WDR7: variants seen among roughly 807,000 people sequenced by gnomAD.
WDR7 encodes WD repeat-containing protein 7.
A neutral mutation model predicts 169.4 loss-of-function variants in WDR7; 46 were observed. That is an observed-to-expected ratio of 0.27 (90% CI 0.21 to 0.35). The LOEUF (loss-of-function observed/expected upper bound fraction) is 0.35. WDR7 is among the 10% of genes least tolerant of loss of function. The pLI, the probability that WDR7 is intolerant of heterozygous loss-of-function variation, is 1.00. For synonymous variants in WDR7, 612 were observed against 666.8 expected (o/e 0.92, Z 1.27); for missense variants, 1,534 against 1,859.3 (o/e 0.83, Z 3.22).
intron 14 of WDR7, among the ~76,000 whole-genome samples, chr18:56,744,798 C>T (rs1022020810): frequency 6.6e-6 from 1 of 152,164 alleles, no homozygotes; most frequent in African/African-American, 2.4e-5. Flanking sequence ...CTACAGGTTA[C>T]AGCAGTTTGT....
Position 56,757,102 on chromosome 18 carries a change from CTCT to C in WDR7, c.2511_2513del (p.Leu838del). The C allele has an allele frequency of 6.2e-7, 1 of 1,614,122 alleles. No individual in the cohort carries two copies. The highest frequency in any genetic ancestry group is 8.5e-7 in the Non-Finnish European group (1 of 1,180,014). ...ACCCCACTGCACCGTATCGTTTGGCCTCTTGTCAAGAGGAGGCCATATGTCACT... is the reference window on the plus strand; with the variant it reads ...ACCCCACTGCACCGTATCGTTTGGCCTGTCAAGAGGAGGCCATATGTCACT... On this transcript the variant is annotated inframe_deletion, in exon 15 of 28. Coordinates refer to ENST00000254442, the MANE Select transcript of WDR7 (RefSeq NM_015285.3).
intron 21 of WDR7, among the ~76,000 whole-genome samples, chr18:56,901,857 G>A (rs1163461720): frequency 6.6e-6 from 1 of 151,922 alleles, no homozygotes; most frequent in South Asian, 2.1e-4. Flanking sequence ...TTTTAGCTGC[G>A]GTTGTCAGTT....
chr18:56,880,735 G>A (rs1348136164), intron 21 of WDR7, among the ~76,000 whole-genome samples: 1 of 152,140 alleles, frequency 6.6e-6, no homozygotes, highest in Non-Finnish European at 1.5e-5. Flanking sequence ...AAATATTCCA[G>A]TAACAGTTTT....
chr18:56,861,149 G>T (rs534725126), intron 20 of WDR7, among the ~76,000 whole-genome samples: 12 of 152,162 alleles, frequency 7.9e-5, no homozygotes, highest in African/African-American at 2.9e-4. Flanking sequence ...ATCCTTGATG[G>T]TTGCACTTTG....
chr18:56,900,774 C>G lies in WDR7; in HGVS notation c.3526+20609C>G, dbSNP rs142198441. Among the ~76,000 whole-genome samples, 703 of 152,268 alleles carry G rather than the reference C, an allele frequency of 4.6e-3. 7 individuals carry two copies. The highest frequency in any genetic ancestry group is 0.016 in the African/African-American group (648 of 41,560). On this transcript the variant is annotated intron_variant, in intron 21 of 27. Transcript: ENST00000254442. Reference sequence around the variant, plus strand: ...AGGGATGGGGGCTAGAGCTGATGGGCTGGTCCAAGCTGGTCTATAGACACA... The same window carrying G: ...AGGGATGGGGGCTAGAGCTGATGGGGTGGTCCAAGCTGGTCTATAGACACA...
chr18:57,007,675 G>A (rs2048083245), intron 26 of WDR7, among the ~76,000 whole-genome samples: 2 of 151,926 alleles, frequency 1.3e-5, no homozygotes, highest in South Asian at 4.2e-4. Flanking sequence ...TTGTACATTG[G>A]GAACAACCTT....
chr18:56,674,209 C>G (rs957218862), intron 2 of WDR7, among the ~76,000 whole-genome samples: 4 of 152,178 alleles, frequency 2.6e-5, no homozygotes, highest in African/African-American at 9.7e-5. Flanking sequence ...TAAGGAACTG[C>G]CAGACTGTTT....
At chr18:56,708,928 C>T (rs2026022228) in intron 12 of WDR7, among the ~76,000 whole-genome samples, 1 of 152,136 alleles carries the variant, frequency 6.6e-6, no homozygotes, top group South Asian at 2.1e-4. Context: ...CAGAACGAGA[C>T]TCTGTCTCAA....
chr18:56,935,741 T>C (rs766059741), intron 22 of WDR7, 47 bp from the exon 23 acceptor site: 5 of 1,566,724 alleles, frequency 3.2e-6, no homozygotes, highest in Non-Finnish European at 4.4e-6. Context: ...CAGTCCATAT[T>C]TCTAATGCTT....
chr18:56,907,954 G>A (rs193231005), intron 21 of WDR7, among the ~76,000 whole-genome samples: 3 of 152,140 alleles, frequency 2.0e-5, no homozygotes, highest in Non-Finnish European at 4.4e-5. Flanking sequence ...AGGTGGGACC[G>A]AATGGCTTTT....
At chr18:56,668,732 G>C (rs1052334217) in intron 1 of WDR7, among the ~76,000 whole-genome samples, 8 of 152,080 alleles carry the variant, frequency 5.3e-5, no homozygotes, top group African/African-American at 1.4e-4. Flanking sequence ...TTGCACAATT[G>C]CACAATTTGA....
chr18:56,780,721 GC>G (rs1230660007), intron 18 of WDR7, among the ~76,000 whole-genome samples: 1 of 152,124 alleles, frequency 6.6e-6, no homozygotes, highest in Non-Finnish European at 1.5e-5. Context: ...TATTACTGGA[GC>G]CCGGGAGGTG....
rs111295421 is a variant in WDR7 at position 56,731,348 on chromosome 18, G to A, written c.1775-35G>A. 4 of 1,601,094 alleles carry A rather than the reference G, an allele frequency of 2.5e-6. No homozygotes were observed. The African/African-American group carries it at 4.0e-5, about 16-fold the overall frequency. On this transcript the variant is annotated intron_variant, in intron 13 of 27. Coordinates refer to ENST00000254442, the MANE Select transcript of WDR7 (RefSeq NM_015285.3). ...CTTAAACTATTCAAAATGTTGTAGT[G>A]TTATGAAATATTTGTGAATATATTT... is the stretch of plus-strand genomic sequence containing the variant.
At chr18:56,660,731 A>G (rs1259217965) in intron 1 of WDR7, among the ~76,000 whole-genome samples, 1 of 152,146 alleles carries the variant, frequency 6.6e-6, no homozygotes, top group African/African-American at 2.4e-5. Flanking sequence ...GTCAGGAAAA[A>G]GTGAAGACTT....
intron 25 of WDR7, among the ~76,000 whole-genome samples, chr18:56,949,685 A>G (rs1177145341): frequency 6.6e-6 from 1 of 152,226 alleles, no homozygotes; most frequent in African/African-American, 2.4e-5. Context: ...TGGAATCTGC[A>G]GTCACATGAA....
chr18:57,007,205 T>C (rs761294175), intron 26 of WDR7, among the ~76,000 whole-genome samples: 124 of 152,190 alleles, frequency 8.1e-4, no homozygotes, highest in Non-Finnish European at 1.4e-3. Flanking sequence ...AGTCTCGATC[T>C]CCTGACCTCG....
chr18:56,855,485 C>T (rs954351174), intron 20 of WDR7, among the ~76,000 whole-genome samples: 1 of 152,022 alleles, frequency 6.6e-6, no homozygotes, highest in Non-Finnish European at 1.5e-5. Context: ...TATTTATTTT[C>T]ATTCATAAGT....
At position 57,020,801 on chromosome 18, in the gene WDR7, A is replaced by T. The variant is rs1270520652; in HGVS notation, c.4221A>T (p.Arg1407Ser). 6.2e-7 allele frequency: 1 copy of T among 1,614,202 alleles called. No individual in the cohort carries two copies. Among genetic ancestry groups the T allele is most frequent in the Admixed American group, 1.7e-5 (1 of 60,030 alleles). Residue 1407 changes from arginine (R) to serine (S), a missense_variant, in exon 27 of 28, where the codon AGA becomes AGT. Coordinates refer to ENST00000254442, the MANE Select transcript of WDR7 (RefSeq NM_015285.3). Reference sequence around the variant, plus strand: ...CAGTGGCTTTTGCTCCTGATGGAAGATATCTTGCCACCTACTCAAACACTG... The same window carrying T: ...CAGTGGCTTTTGCTCCTGATGGAAGTTATCTTGCCACCTACTCAAACACTG... ...ITAVAFAPDG[R>S]YLATYSNTDS...
chr18:56,679,210 GC>G lies in WDR7; in HGVS notation c.160-121del. The G allele has an allele frequency of 7.1e-6, 5 of 708,148 alleles. No homozygotes were observed. The South Asian group carries it at 1.3e-4, about 19-fold the overall frequency. The allele number at this position is 708,148 out of a possible 1,614,324, so 43.9% of individuals were successfully genotyped here. A position where few individuals can be genotyped will look rare whatever the true frequency, so the allele number is the denominator to read the frequency against. On this transcript the variant is annotated intron_variant, in intron 2 of 27. Transcript: ENST00000254442. ...CAGCAGTGCTTTGCAAGAGCCAGGG[GC>G]TAGAATAAAAAATCTTAGCAGTCTA...
Sources: allele counts gnomAD v4.1 joint callset (sites outside exome capture counted in the v4.1 genomes callset), GRCh38; gene constraint gnomAD v4.1.1; transcripts MANE v1.5; gene names NCBI Gene and HGNC (gene_info 2026-07-23, HGNC 2026-07-21).